Variants in MTOR observed in about 807,000 individuals in gnomAD.
MTOR encodes serine/threonine-protein kinase mTOR.
In MTOR, 70 loss-of-function variants were observed where a neutral mutation model predicts 319.8. That is an observed-to-expected ratio of 0.22 (90% CI 0.18 to 0.27). The LOEUF (loss-of-function observed/expected upper bound fraction) is 0.27. Ranked by LOEUF, MTOR falls within the 10% of genes least tolerant of loss-of-function variation. The probability of loss-of-function intolerance (pLI) is 1.00; values close to 1 mark genes in which losing one functional copy is unlikely to be tolerated. For missense variants in MTOR, 1,890 were observed against 3,274.4 expected, an observed-to-expected ratio of 0.58 and a Z score of 10.32; for synonymous variants, 1,183 against 1,211.4, an observed-to-expected ratio of 0.98 and a Z score of 0.49.
At chr1:11,155,839 TG>T (rs1486970348) in intron 30 of MTOR, among the ~76,000 whole-genome samples, 1 of 152,104 alleles carries the variant, frequency 6.6e-6, no homozygotes, top group Non-Finnish European at 1.5e-5. Flanking sequence ...CCCTAGGGCC[TG>T]GCACAGACAC....
rs192413137 is a variant in MTOR at position 11,231,189 on chromosome 1, A to G, written c.2649+111T>C. On this transcript the variant is annotated intron_variant, in intron 17 of 57. Coordinates refer to ENST00000361445, the MANE Select transcript of MTOR (RefSeq NM_004958.4). ...ACCAGCTACATGAACAAAATTGGAGAGGGACAGGAAGTCTGACTGACACTG... is the reference window on the plus strand; with the variant it reads ...ACCAGCTACATGAACAAAATTGGAGGGGGACAGGAAGTCTGACTGACACTG... The G allele has an allele frequency of 3.2e-5, 50 of 1,580,130 alleles. No individual in the cohort carries two copies. The Admixed American group carries it at 3.2e-4, about 10-fold the overall frequency.
chr1:11,179,848 G>A (rs1645091114), intron 28 of MTOR, among the ~76,000 whole-genome samples: 1 of 152,222 alleles, frequency 6.6e-6, no homozygotes, highest in Non-Finnish European at 1.5e-5. Flanking sequence ...TTCTACAAAG[G>A]ACACAGATTC....
intron 29 of MTOR, among the ~76,000 whole-genome samples, chr1:11,166,203 A>G (rs1222655931): frequency 1.3e-5 from 2 of 152,254 alleles, no homozygotes; most frequent in African/African-American, 4.8e-5. Context: ...CTTCACGTCT[A>G]AAACACCAAA....
intron 6 of MTOR, among the ~76,000 whole-genome samples, chr1:11,248,568 T>C (rs970731333): frequency 1.6e-4 from 25 of 152,190 alleles, no homozygotes; most frequent in Non-Finnish European, 1.5e-5. Context: ...TTCCGGTACT[T>C]TGGGAGGCCA....
intron 1 of MTOR, among the ~76,000 whole-genome samples, chr1:11,261,842 C>A (rs1430487631): frequency 6.6e-6 from 1 of 152,060 alleles, no homozygotes; most frequent in Non-Finnish European, 1.5e-5. Flanking sequence ...AGGAAAGAAC[C>A]AGTGTATCTT....
Position 11,248,103 on chromosome 1 carries a change from A to G in MTOR, c.841-9T>C. On this transcript the variant is annotated splice_polypyrimidine_tract_variant and intron_variant, in intron 6 of 57. Coordinates refer to ENST00000361445, the MANE Select transcript of MTOR (RefSeq NM_004958.4). ...ATTTCTTCTCTCAGACGCTATATATATGAGGAGGAAAAAAATCATCTTTAC... is the reference window on the plus strand; with the variant it reads ...ATTTCTTCTCTCAGACGCTATATATGTGAGGAGGAAAAAAATCATCTTTAC... 1 of 1,570,606 alleles carries G rather than the reference A, an allele frequency of 6.4e-7. No individual in the cohort carries two copies. The highest frequency in any genetic ancestry group is 8.7e-7 in the Non-Finnish European group (1 of 1,155,250).
chr1:11,226,612 G>A lies in MTOR; in HGVS notation c.3030+2056C>T, dbSNP rs576331400. Among the ~76,000 whole-genome samples, 25 of 151,992 alleles carry A rather than the reference G, an allele frequency of 1.6e-4. No homozygotes were observed. The South Asian group carries it at 2.3e-3, about 14-fold the overall frequency. On this transcript the variant is annotated intron_variant, in intron 19 of 57. Coordinates refer to ENST00000361445, the MANE Select transcript of MTOR (RefSeq NM_004958.4). ...TTGATACCAGCCTGGGCAACATGGCGAAACCCAAAAAATCAGCTGGGTGTG... is the reference window on the plus strand; with the variant it reads ...TTGATACCAGCCTGGGCAACATGGCAAAACCCAAAAAATCAGCTGGGTGTG...
intron 32 of MTOR, 189 bp from the exon 33 acceptor site, chr1:11,145,234 C>T (rs1246017900): frequency 8.4e-6 from 5 of 592,116 alleles, no homozygotes; most frequent in East Asian, 2.8e-5. Flanking sequence ...AATTTCTCAT[C>T]GAAGACAGAA....
At chr1:11,236,307 T>A (rs1227913074) in intron 13 of MTOR, among the ~76,000 whole-genome samples, 1 of 151,840 alleles carries the variant, frequency 6.6e-6, no homozygotes, top group Non-Finnish European at 1.5e-5. Context: ...CAGCTAACTT[T>A]CGTATATTTT....
chr1:11,122,502 A>ATT lies in MTOR; in HGVS notation c.6663-378_6663-377dup, dbSNP rs35016135. ...GGCCTAAGCCACTGCACCCAGCCCT[A>ATT]TTTTTTTTTTTTTTTTTTTTTTTTA... On this transcript the variant is annotated intron_variant, in intron 47 of 57. Transcript: ENST00000361445. Among the ~76,000 whole-genome samples, 269 of 78,712 alleles carry ATT rather than the reference A, an allele frequency of 3.4e-3. 9 individuals carry two copies. The highest frequency in any genetic ancestry group is 0.012 in the African/African-American group (233 of 19,276). The allele number at this position is 78,712 out of a possible 152,430, so 51.6% of individuals were successfully genotyped here. A position where few individuals can be genotyped will look rare whatever the true frequency, so the allele number is the denominator to read the frequency against.
At chr1:11,211,011 T>C in intron 23 of MTOR, 105 bp from the exon 24 acceptor site, 1 of 680,816 alleles carries the variant, frequency 1.5e-6, no homozygotes, top group Non-Finnish European at 2.6e-6. Flanking sequence ...TCTTCTGGGT[T>C]TGTGGCTAGC....
chr1:11,130,249 C>T (rs901779415), intron 39 of MTOR, among the ~76,000 whole-genome samples: 3 of 152,222 alleles, frequency 2.0e-5, no homozygotes, highest in African/African-American at 7.2e-5. Context: ...TGTACAGCCA[C>T]CCACACACAG....
At chr1:11,192,084 C>T (rs980993436) in intron 28 of MTOR, among the ~76,000 whole-genome samples, 7 of 152,152 alleles carry the variant, frequency 4.6e-5, no homozygotes, top group Admixed American at 2.6e-4. Context: ...TCTGCTCCAC[C>T]GCTAGTAAAG....
At chr1:11,152,346 G>C (rs911832147) in intron 30 of MTOR, 2 of 152,176 alleles carry the variant, frequency 1.3e-5, no homozygotes, top group Non-Finnish European at 2.9e-5. Flanking sequence ...AAAAAACGCA[G>C]AAAGTGCTTG....
Position 11,128,498 on chromosome 1 carries a change from G to C in MTOR, c.5866C>G (p.Leu1956Val), listed in dbSNP as rs2100417464. Reference protein sequence around the residue: ...IDTPRPLVGRLIHQLLTDIGR... With the variant: ...IDTPRPLVGRVIHQLLTDIGR... ...ATGTCTGTGAGAAGCTGGTGAATGA[G>C]ACGTCCCACCAAGGGTCTGGGCGTA... Residue 1956 changes from leucine to valine, a missense_variant, in exon 42 of 58, where the codon CTC becomes GTC. Leu to Val is a conservative substitution (Grantham distance 32). Around this residue, in one of 15 missense-constraint regions of MTOR, gnomAD observed 249 missense variants for 596.2 expected, o/e 0.42. Coordinates refer to ENST00000361445, the MANE Select transcript of MTOR (RefSeq NM_004958.4). This position sits in a 1 kb window ranked among gnomAD's most constrained non-coding sequence, Gnocchi z 5.3. 6.2e-7 allele frequency: 1 copy of C among 1,614,218 alleles called. No individual in the cohort carries two copies. The highest frequency in any genetic ancestry group is 8.5e-7 in the Non-Finnish European group (1 of 1,180,046).
chr1:11,252,096 C>A (rs574345523), intron 6 of MTOR, among the ~76,000 whole-genome samples: 1 of 152,266 alleles, frequency 6.6e-6, no homozygotes, highest in African/African-American at 2.4e-5. Context: ...TCTGCAGATG[C>A]TCAAGTCCCT....
At chr1:11,122,179 G>A (rs2100364773) in intron 47 of MTOR, 53 bp from the exon 48 acceptor site, 5 of 1,600,352 alleles carry the variant, frequency 3.1e-6, no homozygotes, top group South Asian at 2.2e-5. Context: ...GTATACCCTT[G>A]AGCAGCTCAG....
At chr1:11,239,349 C>T (rs1286330801) in intron 11 of MTOR, among the ~76,000 whole-genome samples, 1 of 152,038 alleles carries the variant, frequency 6.6e-6, no homozygotes, top group African/African-American at 2.4e-5. Flanking sequence ...AACATAGCTA[C>T]TTTCTATTCA....
At chr1:11,134,242 A>G in intron 37 of MTOR, 109 bp downstream of exon 37, 1 of 865,168 alleles carries the variant, frequency 1.2e-6, no homozygotes. Flanking sequence ...AAGGAAAGAG[A>G]GATGTCAGCA....
Sources: allele counts gnomAD v4.1 joint callset (sites outside exome capture counted in the v4.1 genomes callset), GRCh38; gene constraint gnomAD v4.1.1; regional missense constraint gnomAD v4.1.1; non-coding constraint Gnocchi (gnomAD v3.1); transcripts MANE v1.5; gene names NCBI Gene and HGNC (gene_info 2026-07-23, HGNC 2026-07-21).